The following CYP46A1 variants were observed in gnomAD, a reference collection of about 807,000 sequenced individuals.
CYP46A1 encodes cholesterol 24-hydroxylase.
A neutral mutation model predicts 63.3 loss-of-function variants in CYP46A1; 20 were observed. That is an observed-to-expected ratio of 0.32 (90% confidence interval 0.22 to 0.46). CYP46A1 has a LOEUF of 0.46. CYP46A1 is among the 20% of genes least tolerant of loss of function. The probability of loss-of-function intolerance (pLI) is 1.00; values close to 1 mark genes in which losing one functional copy is unlikely to be tolerated. For synonymous variants in CYP46A1, 268 were observed against 273.6 expected, an observed-to-expected ratio of 0.98 and a Z score of 0.20; for missense variants, 445 against 670.8, an observed-to-expected ratio of 0.66 and a Z score of 3.72.
At chr14:99,684,574 G>T in intron 1 of CYP46A1, 38 bp downstream of exon 1, 3 of 1,407,656 alleles carry the variant, frequency 2.1e-6, no homozygotes, top group African/African-American at 1.5e-5. Context: ...CTGGGGTGCT[G>T]GGACTGGGGG....
At chr14:99,697,314 A>G (rs1036777231) in intron 3 of CYP46A1, among the ~76,000 whole-genome samples, 12 of 150,936 alleles carry the variant, frequency 8.0e-5, no homozygotes, top group Non-Finnish European at 1.6e-4. Context: ...TGCTCTTTCT[A>G]TGCATAGCTT....
intron 14 of CYP46A1, 48 bp downstream of exon 14, chr14:99,726,304 G>A (rs201291132): frequency 7.6e-6 from 12 of 1,586,762 alleles, no homozygotes; most frequent in Middle Eastern, 2.1e-4. Context: ...CTGCAGGGGT[G>A]GGGGCTCATC....
chr14:99,712,059 G>C (rs2056737309), intron 7 of CYP46A1: 1 of 152,104 alleles, frequency 6.6e-6, no homozygotes, highest in African/African-American at 2.4e-5. Flanking sequence ...AATAGATGCA[G>C]AAAAAGCACT....
At chr14:99,702,700 AT>A (rs2056642482) in intron 5 of CYP46A1, among the ~76,000 whole-genome samples, 1 of 152,020 alleles carries the variant, frequency 6.6e-6, no homozygotes, top group Admixed American at 6.6e-5. Context: ...ATATACATAT[AT>A]TTATATTTTT....
chr14:99,716,725 T>C (rs1595202533), intron 9 of CYP46A1, among the ~76,000 whole-genome samples: 1 of 152,318 alleles, frequency 6.6e-6, no homozygotes, highest in South Asian at 2.1e-4. Context: ...TATTTATTTG[T>C]GGTAATTGAG....
At chr14:99,687,983 G>T (rs964099284) in intron 1 of CYP46A1, among the ~76,000 whole-genome samples, 9 of 149,594 alleles carry the variant, frequency 6.0e-5, no homozygotes, top group East Asian at 4.0e-4. Flanking sequence ...GAAGGAATGG[G>T]TTTTTTTTCC....
In CYP46A1 at chr14:99,725,515, G is replaced by A; in HGVS notation, c.1265+36G>A. On this transcript the variant is annotated intron_variant, in intron 13 of 14. Transcript: ENST00000261835. This position sits in a 1 kb window ranked among gnomAD's most constrained non-coding sequence, Gnocchi z 4.2. ...CCTGGAGCTGCCCATGAGTGGGGCT[G>A]GCGGGAGAAGGACAGACACAGCGGC... 1 of 1,514,926 alleles carries A rather than the reference G, an allele frequency of 6.6e-7. No individual in the cohort carries two copies. Among genetic ancestry groups the A allele is most frequent in the Non-Finnish European group, 9.2e-7 (1 of 1,089,904 alleles). 93.8% of individuals were successfully genotyped at this position (1,514,926 alleles called of 1,614,324 possible).
chr14:99,687,561 A>T (rs2056505314), intron 1 of CYP46A1, among the ~76,000 whole-genome samples: 1 of 151,990 alleles, frequency 6.6e-6, no homozygotes. Context: ...CCTCACCCTC[A>T]CGCCTACCCC....
rs547420513 is a variant in CYP46A1 at position 99,720,393 on chromosome 14, T to C, written c.981-846T>C. On this transcript the variant is annotated intron_variant, in intron 10 of 14. Transcript: ENST00000261835. ...TTCTTTCTGATTTGTCCACATCCTC[T>C]ACAATACTTTTGTGTTTATTGGGAT... 3.9e-5 allele frequency among the ~76,000 whole-genome samples: 6 copies of C among 151,930 alleles called. No individual in the cohort carries two copies. In the East Asian group the frequency reaches 1.2e-3, roughly 29 times the overall value.
intron 5 of CYP46A1, 136 bp from the exon 6 acceptor site, chr14:99,706,511 A>G: frequency 8.7e-7 from 1 of 1,152,586 alleles, no homozygotes. Context: ...CTGGGTCTCA[A>G]GGGGAGGCCA....
chr14:99,720,361 G>A (rs1018677861), intron 10 of CYP46A1, among the ~76,000 whole-genome samples: 6 of 151,970 alleles, frequency 3.9e-5, no homozygotes, highest in African/African-American at 9.7e-5. Context: ...CCAGCAGTGC[G>A]CAAGGGTTCT....
chr14:99,702,418 T>C (rs966199094), intron 5 of CYP46A1, among the ~76,000 whole-genome samples: 11 of 152,344 alleles, frequency 7.2e-5, no homozygotes, highest in Admixed American at 6.5e-5. Flanking sequence ...ATGAGCATTT[T>C]TGTACAAGTG....
intron 7 of CYP46A1, chr14:99,712,686 C>A (rs1319242788): frequency 6.6e-6 from 1 of 152,084 alleles, no homozygotes; most frequent in Admixed American, 6.5e-5. Flanking sequence ...GCTCATGGAT[C>A]GAAAGAATTA....
chr14:99,691,316 G>GAA, intron 2 of CYP46A1, 155 bp downstream of exon 2: 1 of 701,360 alleles, frequency 1.4e-6, no homozygotes, highest in Non-Finnish European at 2.5e-6. Context: ...GGCAGGTGAG[G>GAA]CTGGCTTGGA....
intron 1 of CYP46A1, chr14:99,684,812 C>T (rs763037557): frequency 5.5e-6 from 3 of 544,640 alleles, no homozygotes; most frequent in South Asian, 1.5e-5. Context: ...ATCGTTCAGA[C>T]GAGGAGACTG....
At chr14:99,701,605 C>T (rs2056631101) in intron 5 of CYP46A1, among the ~76,000 whole-genome samples, 1 of 152,154 alleles carries the variant, frequency 6.6e-6, no homozygotes, top group South Asian at 2.1e-4. Flanking sequence ...GTATCCTTGT[C>T]GTTAAGTAAC....
chr14:99,690,547 C>T (rs2056534665), intron 1 of CYP46A1, among the ~76,000 whole-genome samples: 1 of 152,220 alleles, frequency 6.6e-6, no homozygotes, highest in South Asian at 2.1e-4. Flanking sequence ...TGACACTGCA[C>T]TGGCTTCTTT....
Position 99,717,792 on chromosome 14 carries a change from G to T in CYP46A1, c.908-262G>T, listed in dbSNP as rs538028158. ...GCCTTGGGCTCACGGACTTTGAATT[G>T]TGTCCCCCCCACTCTCCCTGCTGTG... is the stretch of plus-strand genomic sequence containing the variant. On this transcript the variant is annotated intron_variant, in intron 9 of 14. Coordinates refer to ENST00000261835, the MANE Select transcript of CYP46A1 (RefSeq NM_006668.2). 6.0e-5 allele frequency: 26 copies of T among 433,534 alleles called. No homozygotes were observed. The South Asian group carries it at 1.1e-3, about 19-fold the overall frequency. 26.9% of individuals were successfully genotyped at this position (433,534 alleles called of 1,614,324 possible).
chr14:99,700,159 G>C, intron 5 of CYP46A1, 58 bp downstream of exon 5: 3 of 1,406,260 alleles, frequency 2.1e-6, no homozygotes, highest in Admixed American at 4.0e-5. Context: ...AGGGGCTGCC[G>C]AAGTGTAGGT....
Sources: gnomAD v4.1 joint callset for allele counts (sites outside exome capture counted in the v4.1 genomes callset) on GRCh38, gnomAD v4.1.1 for gene constraint, Gnocchi (gnomAD v3.1) non-coding constraint, MANE v1.5 for transcripts, NCBI Gene and HGNC (gene_info 2026-07-23, HGNC 2026-07-21) for gene names.